BICRAL: variants seen among roughly 807,000 people sequenced by gnomAD.
BICRAL encodes BRD4-interacting chromatin-remodeling complex-associated protein-like.
A neutral mutation model predicts 91.8 loss-of-function variants in BICRAL; 8 were observed. The observed-to-expected ratio is 0.09, with a 90% CI of 0.05 to 0.16. The LOEUF (loss-of-function observed/expected upper bound fraction) is 0.16, where lower values mean the gene tolerates loss of function less well. Ranked by LOEUF, BICRAL falls within the 10% of genes least tolerant of loss-of-function variation. BICRAL has a pLI of 1.00. For synonymous variants in BICRAL, 445 were observed against 491.1 expected, an observed-to-expected ratio of 0.91 and a Z score of 1.24; for missense variants, 1,038 against 1,310.9, an observed-to-expected ratio of 0.79 and a Z score of 3.21.
intron 6 of BICRAL, among the ~76,000 whole-genome samples, chr6:42,848,118 G>A (rs1260877476): frequency 6.6e-6 from 1 of 151,698 alleles, no homozygotes; most frequent in Non-Finnish European, 1.5e-5. Flanking sequence ...GACAGAGTGA[G>A]ACTCTGTCTC....
At chr6:42,781,596 G>GGTGTGTGTGTGT (rs61437847), upstream of BICRAL, among the ~76,000 whole-genome samples, 12 of 103,490 alleles carry the variant, frequency 1.2e-4, 1 homozygote, top group African/African-American at 1.9e-4. Flanking sequence ...TGGGTGGGTG[G>GGTGTGTGTGTGT]GTGTGTGTGT....
chr6:42,832,217 A>C (rs1192411163), intron 6 of BICRAL, among the ~76,000 whole-genome samples: 1 of 151,252 alleles, frequency 6.6e-6, no homozygotes, highest in Non-Finnish European at 1.5e-5. Flanking sequence ...GTGTGGTGAC[A>C]CACGCCTGTA....
At chr6:42,777,801 T>G (rs1285847761), upstream of BICRAL, among the ~76,000 whole-genome samples, 1 of 152,232 alleles carries the variant, frequency 6.6e-6, no homozygotes, top group Non-Finnish European at 1.5e-5. Flanking sequence ...ACTGTCCAGT[T>G]GCCTTTCTTT....
chr6:42,787,237 GGCT>G (rs1468510593), intron 1 of BICRAL, among the ~76,000 whole-genome samples: 9 of 152,172 alleles, frequency 5.9e-5, no homozygotes, highest in Non-Finnish European at 1.3e-4. Flanking sequence ...TCCAGCCTTG[GGCT>G]GCTGATGGTA....
intron 12 of BICRAL, among the ~76,000 whole-genome samples, chr6:42,863,869 A>G (rs753248313): frequency 6.6e-6 from 1 of 152,158 alleles, no homozygotes; most frequent in Non-Finnish European, 1.5e-5. Flanking sequence ...CTTTACTAAA[A>G]GTACCAAAAT....
In BICRAL at chr6:42,864,617, C is replaced by A. The variant is rs370192656; in HGVS notation, c.2453-42C>A. The A allele has an allele frequency of 6.5e-6, 10 of 1,542,278 alleles. No individual in the cohort carries two copies. The African/African-American group carries it at 1.4e-4, about 21-fold the overall frequency. ...GAAGTTCTGCTGTATAGTCTGTCCT[C>A]TCCCAATCACTCACTAATGTTCTTT... On this transcript the variant is annotated intron_variant, in intron 12 of 12. Transcript: ENST00000314073.
chr6:42,770,781 C>A (rs554474741), intron 1 of BICRAL, among the ~76,000 whole-genome samples: 1 of 152,042 alleles, frequency 6.6e-6, no homozygotes, highest in Admixed American at 6.6e-5. Context: ...GCCTCCACCT[C>A]CCGAGTTCAA....
intron 1 of BICRAL, among the ~76,000 whole-genome samples, chr6:42,794,420 TG>T (rs1392006877): frequency 4.0e-4 from 17 of 42,916 alleles, no homozygotes; most frequent in African/African-American, 7.0e-4. Flanking sequence ...TCTGTGTGTG[TG>T]TGTGTGTGTG....
At chr6:42,762,754 C>T (rs908107823) in intron 1 of BICRAL, among the ~76,000 whole-genome samples, 4 of 152,074 alleles carry the variant, frequency 2.6e-5, no homozygotes, top group African/African-American at 4.8e-5. Flanking sequence ...AATGATACTT[C>T]GTCTCTACTA....
Position 42,866,060 on chromosome 6 carries a change from C to G in BICRAL, c.*614C>G, listed in dbSNP as rs192483569. ...GGGACCCGCAGCCCTGGTGGAAAAG[C>G]CAGTAGCACATACGCAGGGCATTGC... On this transcript the variant is annotated 3_prime_UTR_variant, in exon 13 of 13. Coordinates refer to ENST00000314073, the MANE Select transcript of BICRAL (RefSeq NM_001393499.1). 1 of 152,474 alleles carries G rather than the reference C, an allele frequency of 6.6e-6. No homozygotes were observed. The highest frequency in any genetic ancestry group is 1.5e-5 in the Non-Finnish European group (1 of 68,334). The allele number at this position is 152,474 out of a possible 1,614,324, so 9.4% of individuals were successfully genotyped here.
chr6:42,823,628 T>C (rs2113944369), intron 5 of BICRAL, among the ~76,000 whole-genome samples: 1 of 151,834 alleles, frequency 6.6e-6, no homozygotes, highest in Non-Finnish European at 1.5e-5. Flanking sequence ...TCTCTATTTT[T>C]AAAAAATAAA....
chr6:42,861,252 C>A, intron 11 of BICRAL, among the ~76,000 whole-genome samples: 1 of 152,124 alleles, frequency 6.6e-6, no homozygotes, highest in East Asian at 1.9e-4. Flanking sequence ...TTCAGAGTTG[C>A]AGTGAGCCGA....
At chr6:42,796,746 G>A (rs955810958) in intron 1 of BICRAL, among the ~76,000 whole-genome samples, 1 of 151,994 alleles carries the variant, frequency 6.6e-6, no homozygotes, top group African/African-American at 2.4e-5. Context: ...TGCGATGTGG[G>A]TATAGGATAA....
rs149167211 is a variant in BICRAL, at chr6:42,774,184, C to T, written c.-260-7655C>T. Among the ~76,000 whole-genome samples, 150 of 152,206 alleles carry T rather than the reference C, an allele frequency of 9.9e-4. 2 individuals are homozygous for T. The East Asian group carries it at 0.021, about 21-fold the overall frequency. On this transcript the variant is annotated intron_variant, in intron 1 of 14. Transcript: ENST00000614467. ...GATAGGGGTTTGGAGGAGGAGAGGT[C>T]AGAGAGACCTTGAGGCCCATTCTTT... is the stretch of plus-strand genomic sequence containing the variant.
chr6:42,791,987 CTG>C (rs1763287430), intron 1 of BICRAL, among the ~76,000 whole-genome samples: 3 of 152,122 alleles, frequency 2.0e-5, no homozygotes, highest in African/African-American at 7.2e-5. Flanking sequence ...CTGTAGGTAA[CTG>C]TAACTGTATT....
chr6:42,838,738 A>T (rs989225141), intron 6 of BICRAL, among the ~76,000 whole-genome samples: 7 of 152,150 alleles, frequency 4.6e-5, no homozygotes, highest in African/African-American at 1.7e-4. Context: ...AGGCGGGCAG[A>T]TCACTTGAGG....
intron 2 of BICRAL, among the ~76,000 whole-genome samples, chr6:42,818,343 G>C (rs1279717020): frequency 6.9e-6 from 1 of 144,512 alleles, no homozygotes; most frequent in Non-Finnish European, 1.5e-5. Context: ...TGATATTCTG[G>C]ATGGATCCTG....
chr6:42,771,622 G>T (rs1218203136), intron 1 of BICRAL, among the ~76,000 whole-genome samples: 1 of 152,046 alleles, frequency 6.6e-6, no homozygotes, highest in Non-Finnish European at 1.5e-5. Context: ...CTAGCAACCC[G>T]ACAAAATATT....
upstream of BICRAL, among the ~76,000 whole-genome samples, chr6:42,780,397 A>G (rs765827798): frequency 6.6e-6 from 1 of 152,104 alleles, no homozygotes. Flanking sequence ...ATCTAGAGAG[A>G]GTTTTATTGA....
Sources: allele counts gnomAD v4.1 joint callset (sites outside exome capture counted in the v4.1 genomes callset), GRCh38; gene constraint gnomAD v4.1.1; transcripts MANE v1.5; gene names NCBI Gene and HGNC (gene_info 2026-07-23, HGNC 2026-07-21).